VPS50: variants seen among roughly 807,000 people sequenced by gnomAD.
VPS50 encodes VPS50 subunit of EARP/GARPII complex, also known as syndetin.
Under a neutral mutation model 139.7 loss-of-function variants are expected in VPS50, and 70 were observed. The observed-to-expected ratio is 0.50, with a 90% CI of 0.41 to 0.61. The LOEUF is 0.61. VPS50 is among the 20% of genes least tolerant of loss of function. The pLI, the probability that VPS50 is intolerant of heterozygous loss-of-function variation, is 0.00. For synonymous variants in VPS50, 365 were observed against 376.7 expected, an observed-to-expected ratio of 0.97 and a Z score of 0.36; for missense variants, 921 against 1,133.7, an observed-to-expected ratio of 0.81 and a Z score of 2.69.
At chr7:93,316,878 G>A (rs1210335853) in intron 20 of VPS50, among the ~76,000 whole-genome samples, 2 of 152,184 alleles carry the variant, frequency 1.3e-5, no homozygotes, top group Non-Finnish European at 2.9e-5. Context: ...TAGTGGATGA[G>A]TTTATCTTGG....
chr7:93,356,162 A>G, intron 27 of VPS50, 82 bp downstream of exon 27: 1 of 649,562 alleles, frequency 1.5e-6, no homozygotes, highest in Non-Finnish European at 2.5e-6. Flanking sequence ...TTAATTCAAA[A>G]TCATGAGAGT....
At chr7:93,337,104 C>G (rs915753969) in intron 22 of VPS50, among the ~76,000 whole-genome samples, 5 of 152,292 alleles carry the variant, frequency 3.3e-5, no homozygotes, top group African/African-American at 1.2e-4. Context: ...TCGTGACTCT[C>G]TTGCTCTCTT....
chr7:93,315,960 A>T (rs1797416584), intron 20 of VPS50, among the ~76,000 whole-genome samples: 2 of 152,116 alleles, frequency 1.3e-5, no homozygotes, highest in South Asian at 2.1e-4. Context: ...AATACAAAAT[A>T]AAAAAATTTA....
chr7:93,323,642 G>A lies in VPS50; in HGVS notation c.1887G>A (p.Lys629=), dbSNP rs367596092. Residue 629 remains lysine, a synonymous_variant, in exon 21 of 28, where the codon AAG becomes AAA. Transcript: ENST00000305866. ...ATATGCAGATGATGAACATTCTTAA[G>A]CCAATTGCCTTTGATGTTATTCATT... ...GKYMQMMNIL[K]PIAFDVIHFM... 37 of 1,351,050 alleles carry A rather than the reference G, an allele frequency of 2.7e-5. No homozygotes were observed. Among genetic ancestry groups the A allele is most frequent in the East Asian group, 1.1e-4 (4 of 37,604 alleles). The allele number at this position is 1,351,050 out of a possible 1,614,324, so 83.7% of individuals were successfully genotyped here. A position where few individuals can be genotyped will look rare whatever the true frequency, so the allele number is the denominator to read the frequency against.
intron 23 of VPS50, among the ~76,000 whole-genome samples, chr7:93,345,925 G>C (rs940307555): frequency 2.0e-5 from 3 of 152,122 alleles, no homozygotes; most frequent in Non-Finnish European, 4.4e-5. Flanking sequence ...CACAAGACAG[G>C]GATGCCCTCT....
At chr7:93,246,254 T>G in intron 2 of VPS50, 1 of 672,514 alleles carries the variant, frequency 1.5e-6, no homozygotes, top group Non-Finnish European at 2.6e-6. Context: ...CAAATCATGC[T>G]TGTAAAATTT....
chr7:93,272,342 A>T (rs1220137177), intron 10 of VPS50, among the ~76,000 whole-genome samples: 1 of 151,974 alleles, frequency 6.6e-6, no homozygotes, highest in East Asian at 1.9e-4. Context: ...TAGTAGTAAG[A>T]GTAAGATTCA....
chr7:93,348,630 TA>T, intron 23 of VPS50, 80 bp from the exon 24 acceptor site: 4 of 968,160 alleles, frequency 4.1e-6, no homozygotes, highest in Non-Finnish European at 4.8e-6. Flanking sequence ...TCAGAAATGT[TA>T]AAAAATACTT....
chr7:93,311,466 T>C (rs2116990018), intron 20 of VPS50, among the ~76,000 whole-genome samples, 194 bp downstream of exon 20: 1 of 152,272 alleles, frequency 6.6e-6, no homozygotes, highest in Admixed American at 6.5e-5. Flanking sequence ...CCAGTTTTTC[T>C]TTTTCAGTTA....
intron 2 of VPS50, among the ~76,000 whole-genome samples, chr7:93,250,597 G>T (rs1368162357): frequency 6.6e-6 from 1 of 152,008 alleles, no homozygotes; most frequent in African/African-American, 2.4e-5. Context: ...AACCCTAGAA[G>T]AAAACCTAGG....
At chr7:93,293,350 T>C (rs867710503) in intron 13 of VPS50, among the ~76,000 whole-genome samples, 6 of 152,208 alleles carry the variant, frequency 3.9e-5, no homozygotes, top group South Asian at 2.1e-4. Flanking sequence ...CAGTTATGTA[T>C]ATATTCATCA....
intron 12 of VPS50, among the ~76,000 whole-genome samples, chr7:93,283,287 G>A (rs954343110): frequency 6.6e-6 from 1 of 150,720 alleles, no homozygotes; most frequent in African/African-American, 2.4e-5. Context: ...GAGTTCAATG[G>A]CGTGATCTTG....
rs192334542 is a variant in VPS50, at chr7:93,291,636, C to G, written c.943-67C>G. 83 of 788,426 alleles carry G rather than the reference C, an allele frequency of 1.1e-4. No individual in the cohort carries two copies. In the African/African-American group the frequency reaches 1.3e-3, roughly 12 times the overall value. 48.8% of individuals were successfully genotyped at this position (788,426 alleles called of 1,614,324 possible). On this transcript the variant is annotated intron_variant, in intron 12 of 27. Transcript: ENST00000305866. The stretch of plus-strand genomic sequence containing the variant: ...ATTTTTGAATATATTTGATTAATAA[C>G]CTATTTTATTATAACTGTTAGAGTA...
intron 26 of VPS50, 49 bp from the exon 27 acceptor site, chr7:93,355,842 G>A (rs1798690971): frequency 8.5e-7 from 1 of 1,180,502 alleles, no homozygotes; most frequent in Non-Finnish European, 1.2e-6. Context: ...ACAGTTTTTT[G>A]TTTCTAATTA....
Position 93,355,123 on chromosome 7 carries a change from A to ATTTTT in VPS50, c.2586-768_2586-767insTTTTT, listed in dbSNP as rs1562903407. ...TCTGTATAAAATACTCTTTTTTAAA[A>ATTTTT]AAAAAAAAAAAAGCTTGGTCATTTT... On this transcript the variant is annotated intron_variant, in intron 26 of 27. Transcript: ENST00000305866. Among the ~76,000 whole-genome samples the ATTTTT allele has an allele frequency of 5.4e-4, 81 of 148,672 alleles. No individual in the cohort carries two copies. In the East Asian group the frequency reaches 8.1e-3, roughly 15 times the overall value.
intron 12 of VPS50, among the ~76,000 whole-genome samples, chr7:93,282,252 C>T (rs1796353919): frequency 6.6e-6 from 1 of 151,508 alleles, no homozygotes; most frequent in Non-Finnish European, 1.5e-5. Flanking sequence ...AAATATGCTA[C>T]TTGCATAATT....
At chr7:93,319,468 C>T (rs1393201451) in intron 20 of VPS50, among the ~76,000 whole-genome samples, 1 of 149,860 alleles carries the variant, frequency 6.7e-6, no homozygotes, top group African/African-American at 2.4e-5. Context: ...CTGAAAATGT[C>T]TTTTTTTTTT....
chr7:93,343,937 C>T (rs1301627874), intron 23 of VPS50, among the ~76,000 whole-genome samples: 3 of 152,114 alleles, frequency 2.0e-5, no homozygotes, highest in African/African-American at 7.2e-5. Flanking sequence ...AGCAAAATAA[C>T]CAGCTAACAT....
chr7:93,243,868 C>G (rs553753635), intron 2 of VPS50, among the ~76,000 whole-genome samples: 1 of 152,010 alleles, frequency 6.6e-6, no homozygotes, highest in South Asian at 2.1e-4. Flanking sequence ...TTAATATACA[C>G]TTTCCATAGT....
Sources: allele counts gnomAD v4.1 joint callset (sites outside exome capture counted in the v4.1 genomes callset), GRCh38; gene constraint gnomAD v4.1.1; transcripts MANE v1.5; gene names NCBI Gene and HGNC (gene_info 2026-07-23, HGNC 2026-07-21).